The following THTPA variants were observed in gnomAD, a reference collection of about 807,000 sequenced individuals.
THTPA encodes thiamine-triphosphatase.
In THTPA, 16 loss-of-function variants were observed where a neutral mutation model predicts 16.5. That is an observed-to-expected ratio of 0.97 (90% CI 0.66 to 1.47). The LOEUF (loss-of-function observed/expected upper bound fraction) is 1.47. THTPA is among the 40% of genes most tolerant of loss of function. The pLI, the probability that THTPA is intolerant of heterozygous loss-of-function variation, is 0.00. For missense variants in THTPA, 281 were observed against 280.9 expected, an observed-to-expected ratio of 1.00 and a Z score of 0.00; for synonymous variants, 110 against 115.5, an observed-to-expected ratio of 0.95 and a Z score of 0.30.
At chr14:23,522,837 T>C in the THTPA span, 4 of 1,534,000 alleles carry the variant, frequency 2.6e-6, no homozygotes, top group Non-Finnish European at 3.5e-6. Flanking sequence ...TGGTCGGGCA[T>C]GGGTCTCTGA....
rs1882895319 is a variant in THTPA, at chr14:23,558,816, A to C, written c.669A>C (p.Glu223Asp). ...CCAGAGAGAGGCCACAGGAGACTGA[A>C]GATCCTGACCACTGCCTGGGCTAGG... ...NSSRERPQET[E>D]DPDHCLG is the part of the protein sequence containing the mutation. Residue 223 changes from glutamate (E) to aspartate (D), a missense_variant, in exon 2 of 2, where the codon GAA becomes GAC. Glu to Asp is a conservative substitution (Grantham distance 45). Coordinates refer to ENST00000288014, the MANE Select transcript of THTPA (RefSeq NM_024328.6). 1.1e-5 allele frequency: 18 copies of C among 1,614,188 alleles called. No homozygotes were observed. The highest frequency in any genetic ancestry group is 1.3e-5 in the Non-Finnish European group (15 of 1,180,022).
chr14:23,540,016 C>G, the THTPA span, among the ~76,000 whole-genome samples: 1 of 152,188 alleles, frequency 6.6e-6, no homozygotes, highest in East Asian at 1.9e-4. Context: ...GAGACAGGGT[C>G]TCGCTCGGTC....
the THTPA span, among the ~76,000 whole-genome samples, chr14:23,550,622 G>C: frequency 6.6e-6 from 1 of 152,172 alleles, no homozygotes; most frequent in Non-Finnish European, 1.5e-5. Flanking sequence ...GCGAGGAAGC[G>C]TGGTCCTGTG....
At chr14:23,513,575 G>A in the THTPA span, 1 of 152,592 alleles carries the variant, frequency 6.6e-6, no homozygotes, top group Non-Finnish European at 1.5e-5. Flanking sequence ...GGGGAGAAGA[G>A]GGTGCATGAG....
At chr14:23,541,095 G>A in the THTPA span, among the ~76,000 whole-genome samples, 14 of 151,660 alleles carry the variant, frequency 9.2e-5, no homozygotes, top group African/African-American at 2.9e-4. Context: ...CAGTAGAGAC[G>A]GGGTTTCACC....
the THTPA span, chr14:23,526,508 G>C: frequency 6.5e-7 from 1 of 1,536,034 alleles, no homozygotes; most frequent in South Asian, 1.2e-5. Flanking sequence ...CTCAGCCATG[G>C]TGGGCGGAGG....
the THTPA span, chr14:23,523,943 G>C: frequency 6.5e-7 from 1 of 1,536,012 alleles, no homozygotes. The surrounding 1 kb of genome is among the most constrained non-coding windows in gnomAD (Gnocchi z 4.1). Flanking sequence ...TGGAGGGGGA[G>C]GTAGGAGAGG....
chr14:23,550,097 G>A, the THTPA span, among the ~76,000 whole-genome samples: 1 of 152,212 alleles, frequency 6.6e-6, no homozygotes, highest in Non-Finnish European at 1.5e-5. Context: ...TTTGTTGTGC[G>A]AAGCTCCTGG....
chr14:23,521,252 G>A, the THTPA span: 1 of 152,528 alleles, frequency 6.6e-6, no homozygotes, highest in East Asian at 1.9e-4. Context: ...GGCAAGGAGA[G>A]GGTTAGGAGG....
At chr14:23,524,729 G>A in the THTPA span, 1 of 1,536,370 alleles carries the variant, frequency 6.5e-7, no homozygotes, top group African/African-American at 1.4e-5. The surrounding 1 kb of genome is among the most constrained non-coding windows in gnomAD (Gnocchi z 5.6). Flanking sequence ...CCCATCTGGA[G>A]GCTCTGGTAA....
chr14:23,527,905 T>TC, the THTPA span: 1 of 715,792 alleles, frequency 1.4e-6, no homozygotes, highest in Non-Finnish European at 2.0e-6. Context: ...CCACTCCTTT[T>TC]TTTTTTTTTT....
At chr14:23,529,832 A>G in the THTPA span, 8 of 1,484,704 alleles carry the variant, frequency 5.4e-6, no homozygotes, top group African/African-American at 1.1e-4. Context: ...TGTAGCAGAG[A>G]GCTTCCAGGG....
chr14:23,552,640 C>G (rs765233398), upstream of THTPA, among the ~76,000 whole-genome samples: 2 of 151,780 alleles, frequency 1.3e-5, no homozygotes, highest in Non-Finnish European at 2.9e-5. Flanking sequence ...GTCACTCTGT[C>G]GCCCAGGCTG....
the THTPA span, chr14:23,529,556 A>C: frequency 1.3e-6 from 1 of 762,518 alleles, no homozygotes; most frequent in East Asian, 2.7e-5. Context: ...AGTGCTGAAC[A>C]TGTGGAACTG....
Position 23,559,503 on chromosome 14 carries a change from A to G in THTPA, c.*663A>G, listed in dbSNP as rs978166413. 2.1e-5 allele frequency: 10 copies of G among 485,698 alleles called. No homozygotes were observed. The highest frequency in any genetic ancestry group is 1.2e-4 in the African/African-American group (6 of 51,076). The allele number at this position is 485,698 out of a possible 1,614,324, so 30.1% of individuals were successfully genotyped here. On this transcript the variant is annotated 3_prime_UTR_variant, in exon 2 of 2. Coordinates refer to ENST00000288014, the MANE Select transcript of THTPA (RefSeq NM_024328.6). Reference sequence around the variant, plus strand: ...GCTCAGGGGAAGATGCATACCTCCTATGTAAGAATGCTCTTCCCTTGCTGT... The same window carrying G: ...GCTCAGGGGAAGATGCATACCTCCTGTGTAAGAATGCTCTTCCCTTGCTGT...
the THTPA span, among the ~76,000 whole-genome samples, chr14:23,520,315 A>G: frequency 1.7e-4 from 26 of 152,084 alleles, no homozygotes; most frequent in Non-Finnish European, 3.1e-4. The surrounding 1 kb of genome is among the most constrained non-coding windows in gnomAD (Gnocchi z 8.7). Flanking sequence ...TGGAGGGAGC[A>G]GGAGCAAGGG....
the THTPA span, among the ~76,000 whole-genome samples, chr14:23,547,904 A>T: frequency 3.9e-5 from 6 of 152,180 alleles, no homozygotes; most frequent in African/African-American, 1.2e-4. Flanking sequence ...CATGTGACTA[A>T]CCCTGAGTCT....
chr14:23,522,557 T>C, the THTPA span: 1 of 1,528,322 alleles, frequency 6.5e-7, no homozygotes, highest in Non-Finnish European at 8.8e-7. Flanking sequence ...CTTCATGCCA[T>C]AGAGCTGTTG....
chr14:23,525,761 G>A, the THTPA span: 3 of 1,506,076 alleles, frequency 2.0e-6, no homozygotes, highest in South Asian at 1.3e-5. This position sits in a 1 kb window ranked among gnomAD's most constrained non-coding sequence, Gnocchi z 5.9. Flanking sequence ...TGGAGGAGGA[G>A]GGGTGGCAGC....
Sources: gnomAD v4.1 joint callset for allele counts (sites outside exome capture counted in the v4.1 genomes callset) on GRCh38, gnomAD v4.1.1 for gene constraint, Gnocchi (gnomAD v3.1) non-coding constraint, MANE v1.5 for transcripts, NCBI Gene and HGNC (gene_info 2026-07-23, HGNC 2026-07-21) for gene names.